The following BZW2 variants were observed in gnomAD, a reference collection of about 807,000 sequenced individuals.
The protein encoded by BZW2 is basic leucine zipper and W2 domains 2.
In BZW2, 23 loss-of-function variants were observed where a neutral mutation model predicts 53.2. The ratio of observed to expected loss-of-function variants is 0.43; its 90% CI spans 0.31 to 0.61. The LOEUF is 0.61. BZW2 is among the 20% of genes least tolerant of loss of function. The pLI, the probability that BZW2 is intolerant of heterozygous loss-of-function variation, is 0.09. For synonymous variants in BZW2, 227 were observed against 186.4 expected (o/e 1.22, Z -1.77); for missense variants, 409 against 503.1 (o/e 0.81, Z 1.79).
intron 1 of BZW2, among the ~76,000 whole-genome samples, chr7:16,660,749 C>T (rs989880228): frequency 4.6e-5 from 7 of 152,100 alleles, no homozygotes; most frequent in Non-Finnish European, 8.8e-5. Context: ...TTCAAGGGAT[C>T]AGTAGTGGCT....
chr7:16,651,986 C>T (rs2128349726), intron 1 of BZW2, among the ~76,000 whole-genome samples: 1 of 152,282 alleles, frequency 6.6e-6, no homozygotes, highest in Non-Finnish European at 1.5e-5. Flanking sequence ...ATTGCAACAG[C>T]TTTAGTTGGC....
At chr7:16,704,696 G>T in intron 11 of BZW2, 27 bp downstream of exon 11, 1 of 1,547,120 alleles carries the variant, frequency 6.5e-7, no homozygotes, top group South Asian at 1.2e-5. Context: ...AAACATTGAT[G>T]ACCTTTAAAC....
chr7:16,676,395 C>G (rs1782766581), intron 3 of BZW2, among the ~76,000 whole-genome samples: 1 of 151,826 alleles, frequency 6.6e-6, no homozygotes, highest in African/African-American at 2.4e-5. Context: ...CTAAAAATAC[C>G]AAATTAGCTG....
chr7:16,656,632 A>C (rs1782133107), intron 1 of BZW2, among the ~76,000 whole-genome samples: 1 of 151,482 alleles, frequency 6.6e-6, no homozygotes, highest in Non-Finnish European at 1.5e-5. Flanking sequence ...CTCTTGCATG[A>C]ATCAGTTTTT....
intron 2 of BZW2, among the ~76,000 whole-genome samples, chr7:16,670,147 C>T (rs1244294085): frequency 6.6e-6 from 1 of 152,102 alleles, no homozygotes; most frequent in African/African-American, 2.4e-5. Context: ...CCTTTCGGTC[C>T]ATCATAAGTT....
intron 2 of BZW2, among the ~76,000 whole-genome samples, chr7:16,671,645 G>T (rs1487187292): frequency 2.0e-5 from 3 of 151,856 alleles, no homozygotes; most frequent in African/African-American, 7.3e-5. Flanking sequence ...TAGTAGTTTG[G>T]CTGGGCCAGG....
chr7:16,647,181 A>G (rs1230813326), intron 1 of BZW2, among the ~76,000 whole-genome samples: 1 of 152,152 alleles, frequency 6.6e-6, no homozygotes, highest in Non-Finnish European at 1.5e-5. Flanking sequence ...GCAGATTTAT[A>G]TTTACATCAT....
intron 2 of BZW2, among the ~76,000 whole-genome samples, chr7:16,667,288 A>C (rs985265805): frequency 4.0e-5 from 6 of 151,860 alleles, no homozygotes; most frequent in African/African-American, 1.5e-4. Context: ...TCAAAAAAAA[A>C]AAAACAAAAA....
At chr7:16,667,416 T>A (rs1201127195) in intron 2 of BZW2, among the ~76,000 whole-genome samples, 1 of 152,040 alleles carries the variant, frequency 6.6e-6, no homozygotes, top group East Asian at 1.9e-4. Flanking sequence ...GAAGTATGTA[T>A]AAAGGTAAAA....
chr7:16,646,314 G>A (rs1485255317), intron 1 of BZW2, 26 bp downstream of exon 1: 1 of 177,630 alleles, frequency 5.6e-6, no homozygotes, highest in Non-Finnish European at 1.3e-5. Context: ...GGTGAGGCAA[G>A]GGGCGCCGTG....
intron 2 of BZW2, among the ~76,000 whole-genome samples, chr7:16,670,362 A>T (rs1051729803): frequency 2.0e-5 from 3 of 152,208 alleles, no homozygotes; most frequent in Non-Finnish European, 2.9e-5. Flanking sequence ...GATTCTTGGC[A>T]TAATCTGGGT....
intron 1 of BZW2, among the ~76,000 whole-genome samples, chr7:16,647,304 G>A (rs2128348623): frequency 6.6e-6 from 1 of 152,282 alleles, no homozygotes; most frequent in Middle Eastern, 3.4e-3. Context: ...GTGTCAAAGA[G>A]AAATATTTGA....
intron 5 of BZW2, among the ~76,000 whole-genome samples, chr7:16,683,495 T>C (rs1783017225): frequency 6.6e-6 from 1 of 152,224 alleles, no homozygotes; most frequent in African/African-American, 2.4e-5. Context: ...TTAAAGCCTA[T>C]GGAAGAATGT....
chr7:16,695,236 A>G (rs1301525530), intron 8 of BZW2, among the ~76,000 whole-genome samples: 1 of 152,168 alleles, frequency 6.6e-6, no homozygotes, highest in African/African-American at 2.4e-5. Flanking sequence ...CACACAACTG[A>G]CTTATTTTAC....
At chr7:16,676,500 A>T (rs530787002) in intron 3 of BZW2, among the ~76,000 whole-genome samples, 4 of 151,794 alleles carry the variant, frequency 2.6e-5, no homozygotes, top group Admixed American at 6.6e-5. Flanking sequence ...GTGAGCCGAG[A>T]TCACACCATT....
chr7:16,686,394 T>A (rs554675001), intron 6 of BZW2: 1 of 217,764 alleles, frequency 4.6e-6, no homozygotes, highest in Non-Finnish European at 9.4e-6. Context: ...TTCACCCCTA[T>A]TATAAGAACA....
At chr7:16,648,875 C>T (rs1781926227) in intron 1 of BZW2, among the ~76,000 whole-genome samples, 1 of 152,178 alleles carries the variant, frequency 6.6e-6, no homozygotes, top group Non-Finnish European at 1.5e-5. Flanking sequence ...TTAAACAAAA[C>T]CTCTTTTCTT....
intron 3 of BZW2, among the ~76,000 whole-genome samples, chr7:16,677,873 C>T (rs1344614654): frequency 1.3e-5 from 2 of 151,906 alleles, no homozygotes; most frequent in Non-Finnish European, 2.9e-5. Context: ...TTAGTGCAGC[C>T]CAGATTTCAC....
Position 16,665,331 on chromosome 7 carries a change from A to G in BZW2, c.-7-106A>G, listed in dbSNP as rs549407243. 70 of 1,323,168 alleles carry G rather than the reference A, an allele frequency of 5.3e-5. 1 individual carries two copies. The African/African-American group carries it at 9.4e-4, about 18-fold the overall frequency. The allele number at this position is 1,323,168 out of a possible 1,614,324, so 82.0% of individuals were successfully genotyped here. A position where few individuals can be genotyped will look rare whatever the true frequency, so the allele number is the denominator to read the frequency against. On this transcript the variant is annotated intron_variant, in intron 1 of 11. Coordinates refer to ENST00000258761, the MANE Select transcript of BZW2 (RefSeq NM_014038.3). ...TTGAAAAAAAAAAAGAGGCATATTC[A>G]GTAATGAGTGAGGTTGAACATATGT...
Sources: allele counts gnomAD v4.1 joint callset (sites outside exome capture counted in the v4.1 genomes callset), GRCh38; gene constraint gnomAD v4.1.1; transcripts MANE v1.5; gene names NCBI Gene and HGNC (gene_info 2026-07-23, HGNC 2026-07-21).